Variants in COL19A1 observed in about 807,000 individuals in gnomAD.
COL19A1 encodes the protein collagen alpha-1(XIX) chain.
COL19A1 carries 159 observed loss-of-function variants against 190.2 expected under a neutral mutation model. The ratio of observed to expected loss-of-function variants is 0.84; its 90% CI spans 0.73 to 0.95. The LOEUF (loss-of-function observed/expected upper bound fraction) is 0.95. COL19A1 is among the 40% of genes least tolerant of loss of function. COL19A1 has a pLI of 0.00. For missense variants in COL19A1, 1,418 were observed against 1,431.9 expected, an observed-to-expected ratio of 0.99 and a Z score of 0.16; for synonymous variants, 509 against 458.9, an observed-to-expected ratio of 1.11 and a Z score of -1.39.
chr6:69,997,752 A>T (rs952774549), intron 11 of COL19A1, among the ~76,000 whole-genome samples: 2 of 152,294 alleles, frequency 1.3e-5, no homozygotes, highest in South Asian at 4.1e-4. Flanking sequence ...GTGAGACGAC[A>T]TCAAGCATAC....
chr6:70,178,366 A>G (rs1315054250), intron 42 of COL19A1, among the ~76,000 whole-genome samples: 1 of 152,176 alleles, frequency 6.6e-6, no homozygotes, highest in Non-Finnish European at 1.5e-5. Flanking sequence ...ACAGAGCAAG[A>G]CCCTGTCTCA....
chr6:70,184,605 A>G, intron 44 of COL19A1, 98 bp from the exon 45 acceptor site: 1 of 930,286 alleles, frequency 1.1e-6, no homozygotes, highest in Non-Finnish European at 1.7e-6. Context: ...CTCTCAGTAG[A>G]AATATGATTA....
At chr6:70,081,026 A>G (rs1411725151) in intron 15 of COL19A1, among the ~76,000 whole-genome samples, 2 of 152,212 alleles carry the variant, frequency 1.3e-5, no homozygotes, top group South Asian at 2.1e-4. Context: ...AAAAGAAGTT[A>G]CGCTTCTAAT....
intron 11 of COL19A1, among the ~76,000 whole-genome samples, chr6:69,965,506 C>T (rs1467284773): frequency 6.6e-6 from 1 of 152,168 alleles, no homozygotes; most frequent in Admixed American, 6.5e-5. Flanking sequence ...AACACTCTCT[C>T]CTTAGTCCTG....
chr6:70,051,293 A>G (rs2150132505), intron 14 of COL19A1, among the ~76,000 whole-genome samples: 1 of 152,314 alleles, frequency 6.6e-6, no homozygotes, highest in South Asian at 2.1e-4. Flanking sequence ...GAACTGTAAA[A>G]GATATGAGAT....
At chr6:69,922,368 A>G (rs1772033864) in intron 4 of COL19A1, among the ~76,000 whole-genome samples, 1 of 151,204 alleles carries the variant, frequency 6.6e-6, no homozygotes, top group Admixed American at 6.6e-5. Flanking sequence ...ATATATAAAT[A>G]TTGATAATAC....
At chr6:70,106,329 C>CATGTGT (rs59608953) in intron 16 of COL19A1, among the ~76,000 whole-genome samples, 16,312 of 149,374 alleles carry the variant, frequency 0.11, 1,100 homozygotes, top group Admixed American at 0.21. Context: ...TAAGTGTGTG[C>CATGTGT]GTGTGTGTGT....
At chr6:70,164,010 C>T (rs1455145788) in intron 36 of COL19A1, among the ~76,000 whole-genome samples, 1 of 152,114 alleles carries the variant, frequency 6.6e-6, no homozygotes, top group African/African-American at 2.4e-5. Context: ...ATGACCTAAT[C>T]ACCTCCCAAA....
chr6:69,960,064 T>C (rs754609804), intron 10 of COL19A1, 24 bp downstream of exon 10: 1 of 1,602,450 alleles, frequency 6.2e-7, no homozygotes, highest in Admixed American at 1.7e-5. Context: ...GAATGTTTCA[T>C]CTGAGTTAAG....
intron 49 of COL19A1, among the ~76,000 whole-genome samples, chr6:70,200,880 G>A (rs553971306): frequency 2.6e-5 from 4 of 152,274 alleles, no homozygotes; most frequent in African/African-American, 9.6e-5. Flanking sequence ...AACAGGAACA[G>A]TTAAAATCTC....
chr6:70,010,908 G>A lies in COL19A1; in HGVS notation c.1027-12719G>A, dbSNP rs1777977212. Among the ~76,000 whole-genome samples, 4 of 89,686 alleles carry A rather than the reference G, an allele frequency of 4.5e-5. No homozygotes were observed. The Admixed American group carries it at 4.6e-4, about 10-fold the overall frequency. The allele number at this position is 89,686 out of a possible 152,430, so 58.8% of individuals were successfully genotyped here. A position where few individuals can be genotyped will look rare whatever the true frequency, so the allele number is the denominator to read the frequency against. On this transcript the variant is annotated intron_variant, in intron 11 of 50. Coordinates refer to ENST00000620364, the MANE Select transcript of COL19A1 (RefSeq NM_001858.6). ...CTGTAGGCTCCACCTCTGGGGGCAGGGCACAGACAAACAAAAAGACAGCAG... is the reference window on the plus strand; with the variant it reads ...CTGTAGGCTCCACCTCTGGGGGCAGAGCACAGACAAACAAAAAGACAGCAG...
chr6:69,960,054 G>A lies in COL19A1; in HGVS notation c.981+14G>A. ...CCTGGTCAAAAGGTAAAGAGTTCTTGAATGTTTCATCTGAGTTAAGAATTT... is the reference window on the plus strand; with the variant it reads ...CCTGGTCAAAAGGTAAAGAGTTCTTAAATGTTTCATCTGAGTTAAGAATTT... On this transcript the variant is annotated intron_variant, in intron 10 of 50. Coordinates refer to ENST00000620364, the MANE Select transcript of COL19A1 (RefSeq NM_001858.6). 6.2e-7 allele frequency: 1 copy of A among 1,608,050 alleles called. No individual in the cohort carries two copies. Among genetic ancestry groups the A allele is most frequent in the South Asian group, 1.1e-5 (1 of 89,674 alleles).
chr6:70,124,486 T>C (rs1785076095), intron 17 of COL19A1, among the ~76,000 whole-genome samples: 1 of 151,656 alleles, frequency 6.6e-6, no homozygotes, highest in Admixed American at 6.6e-5. Context: ...TAAATGAAGA[T>C]ATATGGAGCA....
rs1297527990 is a variant in COL19A1 at position 70,207,234 on chromosome 6, A to G, written c.3389A>G (p.Tyr1130Cys). 1.2e-6 allele frequency: 2 copies of G among 1,613,966 alleles called. No individual in the cohort carries two copies. Among genetic ancestry groups the G allele is most frequent in the East Asian group, 4.5e-5 (2 of 44,860 alleles). The change falls in exon 51 of 51, where the codon TAT (tyrosine) becomes TGT (cysteine). Residue 1130 changes from tyrosine to cysteine, a missense_variant. Tyr to Cys is a radical substitution (Grantham distance 194). Transcript: ENST00000620364. The stretch of plus-strand genomic sequence containing the variant: ...AGATGTAACCCAGAAGATTGCCTCT[A>G]TCCTGTGTCTCATGCCCATCAGCGC... Reference protein sequence around the residue: ...SGRCNPEDCLYPVSHAHQRTG... With the variant: ...SGRCNPEDCLCPVSHAHQRTG...
intron 48 of COL19A1, among the ~76,000 whole-genome samples, chr6:70,195,133 GATGATAT>G (rs1040656862): frequency 1.7e-4 from 14 of 84,522 alleles, no homozygotes; most frequent in African/African-American, 7.7e-4. Context: ...ATACATCATT[GATGATAT>G]ATATATATAT....
chr6:70,182,098 A>T (rs1766212357), intron 44 of COL19A1, among the ~76,000 whole-genome samples: 1 of 152,220 alleles, frequency 6.6e-6, no homozygotes, highest in African/African-American at 2.4e-5. Flanking sequence ...TGTGGAGAGT[A>T]GGCTGTAGGG....
chr6:70,148,237 T>G (rs1786800497), intron 27 of COL19A1, among the ~76,000 whole-genome samples: 1 of 151,938 alleles, frequency 6.6e-6, no homozygotes, highest in Admixed American at 6.6e-5. Flanking sequence ...AACTGTGGCT[T>G]GGTCTTTCTG....
chr6:69,962,783 G>A (rs1020708758), intron 10 of COL19A1, 43 bp from the exon 11 acceptor site: 4 of 1,372,032 alleles, frequency 2.9e-6, no homozygotes, highest in African/African-American at 1.5e-5. Flanking sequence ...TGTGTTATAA[G>A]TATCATTTTT....
intron 18 of COL19A1, among the ~76,000 whole-genome samples, chr6:70,133,810 G>A (rs1785665702): frequency 6.6e-6 from 1 of 152,208 alleles, no homozygotes; most frequent in Non-Finnish European, 1.5e-5. Flanking sequence ...TGTGTCTAAG[G>A]TTCAGGTAGA....
Sources: allele counts gnomAD v4.1 joint callset (sites outside exome capture counted in the v4.1 genomes callset), GRCh38; gene constraint gnomAD v4.1.1; transcripts MANE v1.5; gene names NCBI Gene and HGNC (gene_info 2026-07-23, HGNC 2026-07-21).